PDCD5: variants seen among roughly 807,000 people sequenced by gnomAD.
PDCD5 encodes programmed cell death 5.
A neutral mutation model predicts 21.9 loss-of-function variants in PDCD5; 23 were observed. The observed-to-expected ratio is 1.05, with a 90% CI of 0.76 to 1.49. The LOEUF is 1.49. Among genes scored for constraint, PDCD5 ranks in the 40% most tolerant of loss-of-function variants. PDCD5 has a pLI of 0.00. For synonymous variants in PDCD5, 45 were observed against 49.4 expected (o/e 0.91, Z 0.37); for missense variants, 152 against 147.7 (o/e 1.03, Z -0.15).
intron 2 of PDCD5, among the ~76,000 whole-genome samples, chr19:32,582,744 C>G (rs981971279): frequency 1.2e-4 from 18 of 152,188 alleles, no homozygotes; most frequent in Admixed American, 6.5e-5. Context: ...TTTAAGTGTG[C>G]TCTTCAGTAG....
intron 5 of PDCD5, 110 bp downstream of exon 5, chr19:32,587,039 G>T: frequency 1.9e-6 from 2 of 1,050,374 alleles, no homozygotes; most frequent in Non-Finnish European, 2.8e-6. Context: ...TTTTCCTTTT[G>T]TCAAACACGT....
rs1441952932 is a variant in PDCD5 at position 32,586,838 on chromosome 19, A to T, written c.259-20A>T. On this transcript the variant is annotated intron_variant, in intron 4 of 5. Transcript: ENST00000590247. ...TGTTTAAAAAAGTACTGTTTTTCTT[A>T]TCTTTTCTGGTTCTCCTAGGTATCA... 1.3e-6 allele frequency: 2 copies of T among 1,591,774 alleles called. No individual in the cohort carries two copies. The highest frequency in any genetic ancestry group is 2.3e-5 in the East Asian group (1 of 44,046).
At chr19:32,582,074 A>G in intron 1 of PDCD5, 121 bp from the exon 2 acceptor site, 1 of 706,480 alleles carries the variant, frequency 1.4e-6, no homozygotes, top group South Asian at 1.7e-5. Flanking sequence ...CCAGTTTCTT[A>G]TTTGGGGAGT....
intron 4 of PDCD5, 72 bp downstream of exon 4, chr19:32,585,979 G>A: frequency 6.2e-7 from 1 of 1,613,364 alleles, no homozygotes; most frequent in Non-Finnish European, 8.5e-7. Context: ...AAGGTCAGCT[G>A]CATCTTCACT....
chr19:32,587,368 T>C lies in PDCD5; in HGVS notation c.*68T>C, dbSNP rs1397924631. The C allele has an allele frequency of 1.9e-6, 2 of 1,078,524 alleles. No homozygotes were observed. Among genetic ancestry groups the C allele is most frequent in the African/African-American group, 1.6e-5 (1 of 63,128 alleles). The allele number at this position is 1,078,524 out of a possible 1,614,324, so 66.8% of individuals were successfully genotyped here. A position where few individuals can be genotyped will look rare whatever the true frequency, so the allele number is the denominator to read the frequency against. ...GGACAGAAGTTAAGATCTGATTATTTACTTTGTTTATTGTCTATATGCCTT... is the reference window on the plus strand; with the variant it reads ...GGACAGAAGTTAAGATCTGATTATTCACTTTGTTTATTGTCTATATGCCTT... On this transcript the variant is annotated 3_prime_UTR_variant, in exon 6 of 6. Transcript: ENST00000590247.
Position 32,586,897 on chromosome 19 carries a change from A to G in PDCD5, c.298A>G (p.Ser100Gly), listed in dbSNP as rs1389590130. 1 of 1,612,778 alleles carries G rather than the reference A, an allele frequency of 6.2e-7. No homozygotes were observed. Among genetic ancestry groups the G allele is most frequent in the East Asian group, 2.2e-5 (1 of 44,852 alleles). ...TTTAATAGAAATCCTTAAAAAAGTA[A>G]GCCAACAAACAGAAAAGACAACAAC... ...QGLIEILKKV[S>G]QQTEKTTTVK... Residue 100 changes from serine (S) to glycine (G), a missense_variant, in exon 5 of 6, where the codon AGC becomes GGC. Ser to Gly is a moderately conservative substitution (Grantham distance 56). Transcript: ENST00000590247.
At position 32,585,031 on chromosome 19, in the gene PDCD5, T is replaced by G; in HGVS notation, c.166+20T>G. On this transcript the variant is annotated intron_variant, in intron 3 of 5. Coordinates refer to ENST00000590247, the MANE Select transcript of PDCD5 (RefSeq NM_004708.4). ...CCAGGTGTAAGCATCTTTGATTTCATTTCCATAAAGTTAGCTTGAGTTAGT... is the reference window on the plus strand; with the variant it reads ...CCAGGTGTAAGCATCTTTGATTTCAGTTCCATAAAGTTAGCTTGAGTTAGT... The G allele has an allele frequency of 6.3e-7, 1 of 1,597,942 alleles. No individual in the cohort carries two copies. Among genetic ancestry groups the G allele is most frequent in the Non-Finnish European group, 8.6e-7 (1 of 1,165,148 alleles).
intron 4 of PDCD5, chr19:32,586,485 T>C: frequency 9.1e-7 from 1 of 1,102,350 alleles, no homozygotes; most frequent in Non-Finnish European, 1.1e-6. Flanking sequence ...CTTACCTCCT[T>C]CAAGGGGATG....
chr19:32,584,668 T>G (rs1385932639), intron 2 of PDCD5, among the ~76,000 whole-genome samples: 1 of 152,242 alleles, frequency 6.6e-6, no homozygotes, highest in African/African-American at 2.4e-5. Context: ...TAAGAAATGT[T>G]GGTGATGGTG....
Position 32,585,073 on chromosome 19 carries a change from A to G in PDCD5, c.166+62A>G, listed in dbSNP as rs1016260374. 1.3e-5 allele frequency: 14 copies of G among 1,112,712 alleles called. No homozygotes were observed. The East Asian group carries it at 3.3e-4, about 26-fold the overall frequency. The allele number at this position is 1,112,712 out of a possible 1,614,324, so 68.9% of individuals were successfully genotyped here. A position where few individuals can be genotyped will look rare whatever the true frequency, so the allele number is the denominator to read the frequency against. ...TGAGTTAGTTGAATGGGGTGATTAG[A>G]TACCATTATTGCTATCACTAGATGA... On this transcript the variant is annotated intron_variant, in intron 3 of 5. Transcript: ENST00000590247.
chr19:32,583,813 ACAG>A (rs1220857985), intron 2 of PDCD5, among the ~76,000 whole-genome samples: 2 of 151,898 alleles, frequency 1.3e-5, no homozygotes, highest in African/African-American at 2.4e-5. Flanking sequence ...TCCAGCATGA[ACAG>A]CAGAGTGAGA....
At chr19:32,584,523 T>TA (rs1439804695) in intron 2 of PDCD5, among the ~76,000 whole-genome samples, 25 of 152,288 alleles carry the variant, frequency 1.6e-4, no homozygotes, top group Admixed American at 1.6e-3. Flanking sequence ...TGGCCACAGT[T>TA]ACCTATGTCT....
chr19:32,582,675 T>C (rs1450741269), intron 2 of PDCD5, among the ~76,000 whole-genome samples: 1 of 152,240 alleles, frequency 6.6e-6, no homozygotes, highest in Non-Finnish European at 1.5e-5. Flanking sequence ...GTGATTACCC[T>C]ATCATGCTAT....
intron 4 of PDCD5, chr19:32,586,253 A>G: frequency 7.0e-7 from 1 of 1,429,226 alleles, no homozygotes; most frequent in Non-Finnish European, 9.1e-7. Flanking sequence ...GCAGATGAGA[A>G]GGTGCTAAGA....
chr19:32,585,448 T>C (rs1489776978), intron 3 of PDCD5, among the ~76,000 whole-genome samples: 2 of 152,208 alleles, frequency 1.3e-5, no homozygotes, highest in African/African-American at 4.8e-5. Flanking sequence ...GTATTTTCTG[T>C]ATTTTAACTG....
chr19:32,585,425 T>A (rs1371044483), intron 3 of PDCD5, among the ~76,000 whole-genome samples: 1 of 151,956 alleles, frequency 6.6e-6, no homozygotes, highest in Non-Finnish European at 1.5e-5. Context: ...AATGAGACAG[T>A]CAGAATGAAC....
At position 32,584,808 on chromosome 19, in the gene PDCD5, T is replaced by G. The variant is rs574069117; in HGVS notation, c.105-142T>G. ...TTCTACTTGAATGTAGCTGCAGCCTTATGTACAGCAACTACCATAATGCAG... is the reference window on the plus strand; with the variant it reads ...TTCTACTTGAATGTAGCTGCAGCCTGATGTACAGCAACTACCATAATGCAG... On this transcript the variant is annotated intron_variant, in intron 2 of 5. Coordinates refer to ENST00000590247, the MANE Select transcript of PDCD5 (RefSeq NM_004708.4). 28 of 703,658 alleles carry G rather than the reference T, an allele frequency of 4.0e-5. No homozygotes were observed. The East Asian group carries it at 7.0e-4, about 17-fold the overall frequency. The allele number at this position is 703,658 out of a possible 1,614,324, so 43.6% of individuals were successfully genotyped here. A position where few individuals can be genotyped will look rare whatever the true frequency, so the allele number is the denominator to read the frequency against.
At chr19:32,585,979 G>C in intron 4 of PDCD5, 72 bp downstream of exon 4, 2 of 1,613,364 alleles carry the variant, frequency 1.2e-6, no homozygotes, top group Non-Finnish European at 1.7e-6. Flanking sequence ...AAGGTCAGCT[G>C]CATCTTCACT....
intron 1 of PDCD5, 30 bp from the exon 2 acceptor site, chr19:32,582,165 C>T: frequency 1.3e-6 from 2 of 1,576,252 alleles, no homozygotes; most frequent in African/African-American, 2.7e-5. Context: ...CGTGAAATTT[C>T]TCTATTAAAT....
Sources: allele counts gnomAD v4.1 joint callset (sites outside exome capture counted in the v4.1 genomes callset), GRCh38; gene constraint gnomAD v4.1.1; transcripts MANE v1.5; gene names NCBI Gene and HGNC (gene_info 2026-07-23, HGNC 2026-07-21).